The following TSNARE1 variants were observed in gnomAD, a reference collection of about 807,000 sequenced individuals.
TSNARE1 encodes the protein t-SNARE domain-containing protein 1.
Under a neutral mutation model 62.0 loss-of-function variants are expected in TSNARE1, and 49 were observed. The observed-to-expected ratio is 0.79, with a 90% CI of 0.63 to 1.00. TSNARE1 has a LOEUF of 1.00. Among genes scored for constraint, TSNARE1 ranks in the 50% least tolerant of loss-of-function variants. TSNARE1 has a pLI of 0.00. For missense variants in TSNARE1, 755 were observed against 700.1 expected, an observed-to-expected ratio of 1.08 and a Z score of -0.88; for synonymous variants, 328 against 294.4, an observed-to-expected ratio of 1.11 and a Z score of -1.17.
chr8:142,349,585 ACC>A (rs1833828373), intron 2 of TSNARE1, among the ~76,000 whole-genome samples: 1 of 152,204 alleles, frequency 6.6e-6, no homozygotes, highest in Non-Finnish European at 1.5e-5. Flanking sequence ...CTCTGCAGAG[ACC>A]TGTGGAACTG....
At chr8:142,215,965 C>T (rs1815812676) in intron 13 of TSNARE1, among the ~76,000 whole-genome samples, 1 of 152,174 alleles carries the variant, frequency 6.6e-6, no homozygotes, top group Non-Finnish European at 1.5e-5. Flanking sequence ...GATGGATGGC[C>T]CTCGGGCCCT....
intron 2 of TSNARE1, among the ~76,000 whole-genome samples, chr8:142,351,775 CATGAAAACTTT>C (rs1313044234): frequency 6.6e-6 from 1 of 152,224 alleles, no homozygotes; most frequent in African/African-American, 2.4e-5. Flanking sequence ...AGAGAATCCA[CATGAAAACTTT>C]ATCACAGAGC....
Position 142,391,261 on chromosome 8 carries a change from TAAC to T in TSNARE1, c.-40+11840_-40+11842del, listed in dbSNP as rs1441531249. On this transcript the variant is annotated intron_variant, in intron 1 of 13. Transcript: ENST00000524325. ...ACGCTGTACACTGCTGGGGACTCTA[TAAC>T]AGACGCTGTACACTGCTGGGGACTC... Among the ~76,000 whole-genome samples the T allele has an allele frequency of 2.8e-4, 40 of 143,494 alleles. 5 individuals carry two copies. Among genetic ancestry groups the T allele is most frequent in the African/African-American group, 1.0e-3 (39 of 38,432 alleles). 94.1% of individuals were successfully genotyped at this position (143,494 alleles called of 152,430 possible).
intron 12 of TSNARE1, among the ~76,000 whole-genome samples, chr8:142,243,615 G>A (rs1341861698): frequency 1.3e-5 from 2 of 152,126 alleles, no homozygotes; most frequent in South Asian, 2.1e-4. Context: ...GGGAGGAGGT[G>A]GGGAGATCTG....
chr8:142,360,154 C>T (rs1835043895), intron 1 of TSNARE1, among the ~76,000 whole-genome samples: 1 of 152,112 alleles, frequency 6.6e-6, no homozygotes, highest in African/African-American at 2.4e-5. Context: ...CCAAGAACTC[C>T]AGGAGAAGGC....
At chr8:142,369,300 C>A (rs1835767046) in intron 1 of TSNARE1, among the ~76,000 whole-genome samples, 1 of 152,202 alleles carries the variant, frequency 6.6e-6, no homozygotes, top group Non-Finnish European at 1.5e-5. Flanking sequence ...AGCAACAAAA[C>A]CCGAATCCAG....
chr8:142,378,609 A>G (rs1836511428), intron 1 of TSNARE1, among the ~76,000 whole-genome samples: 1 of 152,224 alleles, frequency 6.6e-6, no homozygotes, highest in Non-Finnish European at 1.5e-5. Flanking sequence ...GCTCAGGGTA[A>G]GAAGCCAGTC....
chr8:142,318,684 G>A (rs1828973242), intron 6 of TSNARE1, 50 bp from the exon 7 acceptor site: 4 of 1,588,590 alleles, frequency 2.5e-6, no homozygotes, highest in African/African-American at 1.3e-5. Context: ...GAAGGCAGCA[G>A]AGAGCAAGGG....
intron 12 of TSNARE1, among the ~76,000 whole-genome samples, chr8:142,256,416 T>TCATGGC (rs1563782954): frequency 6.8e-4 from 12 of 17,638 alleles, no homozygotes; most frequent in East Asian, 1.7e-3. Flanking sequence ...ACCACCATCA[T>TCATGGC]TATCACCACC....
chr8:142,296,588 C>T (rs1226804697), intron 10 of TSNARE1, among the ~76,000 whole-genome samples: 1 of 151,934 alleles, frequency 6.6e-6, no homozygotes, highest in Non-Finnish European at 1.5e-5. Context: ...GGGGCTGACC[C>T]CAGGCAAGCA....
At chr8:142,248,854 A>G (rs1818016811) in intron 12 of TSNARE1, among the ~76,000 whole-genome samples, 1 of 152,114 alleles carries the variant, frequency 6.6e-6, no homozygotes, top group Non-Finnish European at 1.5e-5. Context: ...CCAGTCACGG[A>G]TGGTTCTCGG....
chr8:142,326,422 G>A lies in TSNARE1; in HGVS notation c.893+4479C>T, dbSNP rs557003972. On this transcript the variant is annotated intron_variant, in intron 6 of 13. Transcript: ENST00000524325. ...CAGCACCAGCGAAGGGGAGGGCCCCGGAGACCATGAGACGGATGACGAACC... is the reference window on the plus strand; with the variant it reads ...CAGCACCAGCGAAGGGGAGGGCCCCAGAGACCATGAGACGGATGACGAACC... Among the ~76,000 whole-genome samples the A allele has an allele frequency of 1.7e-3, 154 of 90,298 alleles. 39 individuals are homozygous for A. Among genetic ancestry groups the A allele is most frequent in the African/African-American group, 7.9e-3 (147 of 18,656 alleles). The allele number at this position is 90,298 out of a possible 152,430, so 59.2% of individuals were successfully genotyped here.
At chr8:142,241,309 G>A (rs1034363408) in intron 12 of TSNARE1, among the ~76,000 whole-genome samples, 17 of 152,092 alleles carry the variant, frequency 1.1e-4, no homozygotes, top group African/African-American at 3.9e-4. Context: ...TTAAGGAAGG[G>A]GTGAAAGATA....
intron 12 of TSNARE1, among the ~76,000 whole-genome samples, chr8:142,254,862 C>G (rs543327292): frequency 2.6e-5 from 4 of 152,286 alleles, no homozygotes; most frequent in African/African-American, 9.6e-5. Context: ...GGTGCTGCAC[C>G]CGGGGCTCTG....
chr8:142,264,242 T>A (rs1819029539), intron 12 of TSNARE1, among the ~76,000 whole-genome samples: 1 of 152,250 alleles, frequency 6.6e-6, no homozygotes, highest in Non-Finnish European at 1.5e-5. Flanking sequence ...TTTTATTTTT[T>A]GCCACCAATA....
intron 12 of TSNARE1, among the ~76,000 whole-genome samples, chr8:142,256,175 CCATCACCACCACCAT>C (rs1190379843): frequency 3.2e-5 from 3 of 95,222 alleles, no homozygotes; most frequent in East Asian, 7.5e-4. Context: ...ACCACCATCA[CCATCACCACCACCAT>C]CATCACCACC....
chr8:142,361,214 C>T (rs754153950), intron 1 of TSNARE1, among the ~76,000 whole-genome samples: 34 of 152,244 alleles, frequency 2.2e-4, no homozygotes, highest in Non-Finnish European at 4.3e-4. Flanking sequence ...ACAGCAGCTC[C>T]AGACAGGCCT....
At chr8:142,372,296 G>C (rs557592118) in intron 1 of TSNARE1, among the ~76,000 whole-genome samples, 1 of 152,326 alleles carries the variant, frequency 6.6e-6, no homozygotes, top group African/African-American at 2.4e-5. Context: ...CCTGGCATCT[G>C]GCAGCAGAGT....
At chr8:142,399,381 C>T (rs1356341767) in intron 1 of TSNARE1, among the ~76,000 whole-genome samples, 4 of 152,234 alleles carry the variant, frequency 2.6e-5, no homozygotes, top group Non-Finnish European at 4.4e-5. Context: ...CGTTCAGAGA[C>T]GCACAGCTCC....
Sources: gnomAD v4.1 joint callset for allele counts (sites outside exome capture counted in the v4.1 genomes callset) on GRCh38, gnomAD v4.1.1 for gene constraint, MANE v1.5 for transcripts, NCBI Gene and HGNC (gene_info 2026-07-23, HGNC 2026-07-21) for gene names.